Variants in RFTN1 observed in about 807,000 individuals in gnomAD.
RFTN1 encodes raftlin, lipid raft linker 1.
Under a neutral mutation model 46.5 loss-of-function variants are expected in RFTN1, and 26 were observed. The observed-to-expected ratio is 0.56, with a 90% CI of 0.41 to 0.78. The LOEUF is 0.78. Among genes scored for constraint, RFTN1 ranks in the 30% least tolerant of loss-of-function variants. The pLI is 0.00. For synonymous variants in RFTN1, 261 were observed against 284.2 expected, an observed-to-expected ratio of 0.92 and a Z score of 0.82; for missense variants, 693 against 718.7, an observed-to-expected ratio of 0.96 and a Z score of 0.41.
intron 4 of RFTN1, among the ~76,000 whole-genome samples, chr3:16,403,605 TA>T (rs759446820): frequency 9.3e-3 from 289 of 30,944 alleles, no homozygotes; most frequent in African/African-American, 0.025. Flanking sequence ...TAATATATAA[TA>T]TATATATAAT....
chr3:16,408,175 T>C (rs2074904452), intron 4 of RFTN1, among the ~76,000 whole-genome samples: 1 of 152,088 alleles, frequency 6.6e-6, no homozygotes, highest in Non-Finnish European at 1.5e-5. Flanking sequence ...GGCCCTCATG[T>C]ACACTGTTCC....
At chr3:16,325,031 T>C (rs2069557157) in intron 8 of RFTN1, among the ~76,000 whole-genome samples, 2 of 152,254 alleles carry the variant, frequency 1.3e-5, no homozygotes, top group South Asian at 2.1e-4. Context: ...ACTGTGGTTT[T>C]AATTTGCATT....
intron 4 of RFTN1, among the ~76,000 whole-genome samples, chr3:16,393,990 A>C (rs924384969): frequency 6.6e-6 from 1 of 152,136 alleles, no homozygotes; most frequent in Non-Finnish European, 1.5e-5. Context: ...AATAAATCTA[A>C]GAAAAATTTA....
intron 1 of RFTN1, 45 bp from the exon 2 acceptor site, chr3:16,493,922 A>T: frequency 6.2e-7 from 1 of 1,610,102 alleles, no homozygotes; most frequent in Non-Finnish European, 8.5e-7. Flanking sequence ...TTTTTCTGAG[A>T]TTTTGTCTTT....
rs2075779282 is a variant in RFTN1, at chr3:16,448,932, G to A, written c.146-14895C>T. Among the ~76,000 whole-genome samples the A allele has an allele frequency of 1.3e-5, 2 of 152,162 alleles. No homozygotes were observed. Among genetic ancestry groups the A allele is most frequent in the Admixed American group, 6.5e-5 (1 of 15,280 alleles). ...GACAGTAGGCCCTCCAGTTGGTTGT[G>A]TTGAGTCCCTGGAAATGCTTTGTAC... is the stretch of plus-strand genomic sequence containing the variant. On this transcript the variant is annotated intron_variant, in intron 2 of 9. Coordinates refer to ENST00000334133, the MANE Select transcript of RFTN1 (RefSeq NM_015150.2). The surrounding 1 kb of genome is among the most constrained non-coding windows in gnomAD (Gnocchi z 4.1).
intron 1 of RFTN1, among the ~76,000 whole-genome samples, chr3:16,505,420 GAAACAA>G: frequency 6.6e-6 from 1 of 152,304 alleles, no homozygotes; most frequent in East Asian, 1.9e-4. Context: ...GTTCTCCAGA[GAAACAA>G]AACCAGTCAG....
At chr3:16,333,568 T>G (rs1160110714) in intron 7 of RFTN1, among the ~76,000 whole-genome samples, 1 of 152,216 alleles carries the variant, frequency 6.6e-6, no homozygotes, top group Non-Finnish European at 1.5e-5. Flanking sequence ...TAATAAAATG[T>G]TATTATTTTA....
intron 4 of RFTN1, among the ~76,000 whole-genome samples, chr3:16,408,041 C>T (rs1056659438): frequency 2.0e-5 from 3 of 152,148 alleles, no homozygotes; most frequent in African/African-American, 7.2e-5. Context: ...TACTGTTATA[C>T]AAAATTCCTC....
chr3:16,399,278 A>C (rs914210151), intron 4 of RFTN1, among the ~76,000 whole-genome samples: 1 of 152,154 alleles, frequency 6.6e-6, no homozygotes, highest in Non-Finnish European at 1.5e-5. Flanking sequence ...TTTAAATTTT[A>C]AAAAAACAAC....
chr3:16,442,399 A>C lies in RFTN1; in HGVS notation c.146-8362T>G, dbSNP rs916612929. On this transcript the variant is annotated intron_variant, in intron 2 of 9. Transcript: ENST00000334133. This position sits in a 1 kb window ranked among gnomAD's most constrained non-coding sequence, Gnocchi z 4.1. Reference sequence around the variant, plus strand: ...CCATTCCCCTCTCTCCCCGAGCCCTAGCAATCAATAACATGCTTTCACAAA... The same window carrying C: ...CCATTCCCCTCTCTCCCCGAGCCCTCGCAATCAATAACATGCTTTCACAAA... Among the ~76,000 whole-genome samples, 3 of 152,150 alleles carry C rather than the reference A, an allele frequency of 2.0e-5. No individual in the cohort carries two copies. The highest frequency in any genetic ancestry group is 1.3e-4 in the Admixed American group (2 of 15,268).
At chr3:16,401,754 C>T (rs957984612) in intron 4 of RFTN1, among the ~76,000 whole-genome samples, 7 of 152,196 alleles carry the variant, frequency 4.6e-5, no homozygotes, top group East Asian at 1.9e-4. Context: ...TGTCTGCTTA[C>T]GCTGAAAAAC....
chr3:16,367,138 T>C (rs765780015), intron 6 of RFTN1, among the ~76,000 whole-genome samples: 5 of 136,352 alleles, frequency 3.7e-5, no homozygotes, highest in Non-Finnish European at 6.2e-5. Context: ...TTTTGGAGTA[T>C]AAATCTCTAT....
chr3:16,495,281 G>A (rs543428437), intron 1 of RFTN1, among the ~76,000 whole-genome samples: 3 of 152,332 alleles, frequency 2.0e-5, no homozygotes, highest in Middle Eastern at 3.4e-3. Context: ...AAAGCAAGCC[G>A]GCTGGCATCC....
At chr3:16,487,284 A>G (rs145841411) in intron 2 of RFTN1, among the ~76,000 whole-genome samples, 3 of 152,356 alleles carry the variant, frequency 2.0e-5, no homozygotes, top group Non-Finnish European at 2.9e-5. Flanking sequence ...TGTGGAATCA[A>G]TGAATCCTCT....
rs1480647529 is a variant in RFTN1 at position 16,483,709 on chromosome 3, A to G, written c.145+10016T>C. 6.6e-6 allele frequency among the ~76,000 whole-genome samples: 1 copy of G among 152,096 alleles called. No individual in the cohort carries two copies. Among genetic ancestry groups the G allele is most frequent in the Non-Finnish European group, 1.5e-5 (1 of 68,026 alleles). On this transcript the variant is annotated intron_variant, in intron 2 of 9. Transcript: ENST00000334133. This position sits in a 1 kb window ranked among gnomAD's most constrained non-coding sequence, Gnocchi z 4.8. ...TAAACATTTGTTGAATTTATTTTAT[A>G]CTCAAAAGATCACACTAGTATAATT...
Position 16,442,144 on chromosome 3 carries a change from CAA to C in RFTN1, c.146-8109_146-8108del, listed in dbSNP as rs778256856. ...CTGAAACTTAAAAAACAAAACAAAA[CAA>C]AACAAAACAAAACACATATCCAGGC... On this transcript the variant is annotated intron_variant, in intron 2 of 9. Transcript: ENST00000334133. The surrounding 1 kb of genome is among the most constrained non-coding windows in gnomAD (Gnocchi z 4.1). 1.9e-4 allele frequency among the ~76,000 whole-genome samples: 29 copies of C among 152,088 alleles called. No homozygotes were observed. The highest frequency in any genetic ancestry group is 3.5e-4 in the Non-Finnish European group (24 of 67,962).
rs1517516 is a variant in RFTN1, at chr3:16,433,708, G to T, written c.332+143C>A. ...AAGAAACCTCTCTGGTTGTCTAACT[G>T]TTTGCCTCACCTGTCTGAGGGCTGA... is the stretch of plus-strand genomic sequence containing the variant. On this transcript the variant is annotated intron_variant, in intron 3 of 9. Transcript: ENST00000334133. This position sits in a 1 kb window ranked among gnomAD's most constrained non-coding sequence, Gnocchi z 4.4. The T allele has an allele frequency of 0.26, 202,584 of 789,792 alleles. 26,825 individuals are homozygous for T. Among genetic ancestry groups the T allele is most frequent in the East Asian group, 0.31 (12,530 of 40,400 alleles). The allele number at this position is 789,792 out of a possible 1,614,324, so 48.9% of individuals were successfully genotyped here.
intron 4 of RFTN1, among the ~76,000 whole-genome samples, chr3:16,408,576 C>T (rs568387501): frequency 1.7e-4 from 25 of 147,318 alleles, no homozygotes; most frequent in African/African-American, 6.3e-4. Context: ...CATATTAAAA[C>T]TCAAGTAGAC....
In RFTN1 at chr3:16,359,048, A is replaced by AG. The variant is rs796645560; in HGVS notation, c.1031-1002_1031-1001insC. Among the ~76,000 whole-genome samples, 750 of 148,494 alleles carry AG rather than the reference A, an allele frequency of 5.1e-3. 1 individual carries two copies. The highest frequency in any genetic ancestry group is 6.5e-3 in the African/African-American group (266 of 40,616). Reference sequence around the variant, plus strand: ...TTCTGTCTCCAAAAAAAAAAAAAAAAAAAAGAAATACTGAACAGAGTCCTT... The same window carrying AG: ...TTCTGTCTCCAAAAAAAAAAAAAAAAGAAAAGAAATACTGAACAGAGTCCTT... On this transcript the variant is annotated intron_variant, in intron 6 of 9. Transcript: ENST00000334133.
Sources: gnomAD v4.1 joint callset for allele counts (sites outside exome capture counted in the v4.1 genomes callset) on GRCh38, gnomAD v4.1.1 for gene constraint, Gnocchi (gnomAD v3.1) non-coding constraint, MANE v1.5 for transcripts, NCBI Gene and HGNC (gene_info 2026-07-23, HGNC 2026-07-21) for gene names.